The following ARHGEF26 variants were observed in gnomAD, a reference collection of about 807,000 sequenced individuals.
ARHGEF26 encodes Rho guanine nucleotide exchange factor 26.
Under a neutral mutation model 89.4 loss-of-function variants are expected in ARHGEF26, and 59 were observed. That is an observed-to-expected ratio of 0.66 (90% CI 0.54 to 0.82). The LOEUF (loss-of-function observed/expected upper bound fraction) is 0.82. Among genes scored for constraint, ARHGEF26 ranks in the 40% least tolerant of loss-of-function variants. The pLI, the probability that ARHGEF26 is intolerant of heterozygous loss-of-function variation, is 0.00. For synonymous variants in ARHGEF26, 500 were observed against 428.4 expected (o/e 1.17, Z -2.06); for missense variants, 1,234 against 1,085.6 (o/e 1.14, Z -1.92).
intron 6 of ARHGEF26, among the ~76,000 whole-genome samples, chr3:154,164,638 A>T (rs1247179921): frequency 6.6e-6 from 1 of 152,120 alleles, no homozygotes; most frequent in African/African-American, 2.4e-5. Flanking sequence ...TTGGGAGTTC[A>T]TTGGAATTTC....
intron 11 of ARHGEF26, among the ~76,000 whole-genome samples, chr3:154,238,921 G>C (rs542946872): frequency 4.1e-4 from 62 of 152,242 alleles, no homozygotes; most frequent in Admixed American, 1.6e-3. Context: ...GGGAATTAAG[G>C]GGGGGAGGCG....
chr3:154,123,000 G>C lies in ARHGEF26; in HGVS notation c.1008G>C (p.Lys336Asn), dbSNP rs749200280. Reference sequence around the variant, plus strand: ...ACAGTCCTACCAGCTCGAAGAAGAAGAACAGAATGTCCCAGCCTGTTCTGA... The same window carrying C: ...ACAGTCCTACCAGCTCGAAGAAGAACAACAGAATGTCCCAGCCTGTTCTGA... ...DFDSPTSSKK[K>N]NRMSQPVLKV... The change falls in exon 2 of 15, where the codon AAG becomes AAC. Residue 336 changes from lysine (K) to asparagine (N), a missense_variant. By Grantham distance (94) the Lys-to-Asn change is moderately conservative. Transcript: ENST00000465093. 4.3e-6 allele frequency: 7 copies of C among 1,613,830 alleles called. No individual in the cohort carries two copies. Among genetic ancestry groups the C allele is most frequent in the East Asian group, 2.2e-5 (1 of 44,864 alleles).
chr3:154,190,835 C>G (rs1559888006), intron 7 of ARHGEF26, among the ~76,000 whole-genome samples: 2 of 152,178 alleles, frequency 1.3e-5, no homozygotes, highest in Non-Finnish European at 2.9e-5. Context: ...GAAGTCCAGT[C>G]TAACTGTTAA....
intron 9 of ARHGEF26, among the ~76,000 whole-genome samples, chr3:154,210,878 G>A (rs1193814616): frequency 6.6e-6 from 1 of 151,592 alleles, no homozygotes; most frequent in Non-Finnish European, 1.5e-5. Flanking sequence ...GGGAGGTGGA[G>A]GTTGCAGTGA....
chr3:154,165,147 T>G (rs1409464764), intron 6 of ARHGEF26, among the ~76,000 whole-genome samples: 2 of 152,174 alleles, frequency 1.3e-5, no homozygotes, highest in African/African-American at 4.8e-5. Context: ...TTACCTCACT[T>G]ATGCTTATGC....
chr3:154,137,242 G>C (rs1025129670), intron 4 of ARHGEF26, among the ~76,000 whole-genome samples: 4 of 152,134 alleles, frequency 2.6e-5, no homozygotes, highest in African/African-American at 9.7e-5. Flanking sequence ...TCATGGGAGG[G>C]GAGCAGGTGG....
At chr3:154,140,596 T>TTC (rs1719304279) in intron 4 of ARHGEF26, among the ~76,000 whole-genome samples, 1 of 151,294 alleles carries the variant, frequency 6.6e-6, no homozygotes, top group African/African-American at 2.4e-5. Flanking sequence ...TGCTTTTTTT[T>TTC]TTTTTTTTGA....
intron 4 of ARHGEF26, among the ~76,000 whole-genome samples, chr3:154,139,397 T>C (rs534099103): frequency 3.3e-4 from 51 of 152,354 alleles, no homozygotes; most frequent in Non-Finnish European, 5.9e-4. Flanking sequence ...GAATTAAATT[T>C]TGGACTTATT....
chr3:154,130,216 G>A (rs1718605149), intron 4 of ARHGEF26, among the ~76,000 whole-genome samples: 2 of 137,432 alleles, frequency 1.5e-5, no homozygotes, highest in South Asian at 2.3e-4. Flanking sequence ...GCGTGATCTC[G>A]GCTCACTGCA....
chr3:154,147,126 C>T (rs891668422), intron 4 of ARHGEF26, among the ~76,000 whole-genome samples: 1 of 152,118 alleles, frequency 6.6e-6, no homozygotes, highest in Non-Finnish European at 1.5e-5. Context: ...AAAATGAGGC[C>T]GGACATGGTG....
intron 6 of ARHGEF26, among the ~76,000 whole-genome samples, chr3:154,174,252 G>T (rs1488248160): frequency 6.6e-6 from 1 of 152,194 alleles, no homozygotes; most frequent in Non-Finnish European, 1.5e-5. Context: ...CAGATCTACT[G>T]ATGTTTCAGA....
intron 11 of ARHGEF26, among the ~76,000 whole-genome samples, chr3:154,228,894 C>G (rs1319816966): frequency 6.6e-6 from 1 of 152,212 alleles, no homozygotes; most frequent in Non-Finnish European, 1.5e-5. Flanking sequence ...CTGCCTAATT[C>G]TAATTCCAGG....
intron 6 of ARHGEF26, among the ~76,000 whole-genome samples, chr3:154,183,663 T>C (rs569655274): frequency 6.6e-6 from 1 of 152,346 alleles, no homozygotes; most frequent in East Asian, 1.9e-4. Flanking sequence ...AAGCTTTAAA[T>C]TATGTCTTAA....
Position 154,122,936 on chromosome 3 carries a change from C to G in ARHGEF26, c.944C>G (p.Thr315Arg). ...PGSLRRGLRS[T>R]SYRRAVVSGF... The stretch of plus-strand genomic sequence containing the variant: ...TCTCTGCGGAGAGGCTTGCGGTCCA[C>G]GTCTTATCGCAGGGCAGTGGTCAGT... The change falls in exon 2 of 15, where the codon ACG becomes AGG. Residue 315 changes from threonine to arginine, a missense_variant. Transcript: ENST00000465093. 3 of 1,613,404 alleles carry G rather than the reference C, an allele frequency of 1.9e-6. No homozygotes were observed. The highest frequency in any genetic ancestry group is 2.5e-6 in the Non-Finnish European group (3 of 1,179,704).
chr3:154,124,475 C>T, intron 3 of ARHGEF26, 26 bp downstream of exon 3: 1 of 1,506,700 alleles, frequency 6.6e-7, no homozygotes, highest in Non-Finnish European at 8.8e-7. Context: ...TCCAAACTTT[C>T]ATTGCTGTTT....
At chr3:154,251,462 A>G (rs1255070238) in intron 12 of ARHGEF26, among the ~76,000 whole-genome samples, 1 of 152,208 alleles carries the variant, frequency 6.6e-6, no homozygotes, top group African/African-American at 2.4e-5. Context: ...TTCATTCATT[A>G]GCAGACATAT....
At chr3:154,121,665 A>C (rs1011760734) in intron 1 of ARHGEF26, 146 bp downstream of exon 1, 18 of 337,304 alleles carry the variant, frequency 5.3e-5, no homozygotes, top group Admixed American at 8.7e-5. Flanking sequence ...CTCGGCTTGC[A>C]CTCAGTGAAT....
intron 4 of ARHGEF26, among the ~76,000 whole-genome samples, chr3:154,130,582 C>G (rs965476346): frequency 6.6e-6 from 1 of 151,682 alleles, no homozygotes; most frequent in Admixed American, 6.6e-5. Context: ...AATTTCTCCT[C>G]TCTGCATCAG....
rs371952542 is a variant in ARHGEF26 at position 154,181,679 on chromosome 3, A to T, written c.1488-6006A>T. 3.5e-4 allele frequency among the ~76,000 whole-genome samples: 53 copies of T among 152,234 alleles called. No homozygotes were observed. The East Asian group carries it at 7.2e-3, about 21-fold the overall frequency. On this transcript the variant is annotated intron_variant, in intron 6 of 14. Coordinates refer to ENST00000465093, the MANE Select transcript of ARHGEF26 (RefSeq NM_015595.4). ...TGCAGCTGGCATTGAAGAAACTCAG[A>T]TTGGACTGGGTCTCTCTTTAGTAAT...
Sources: allele counts gnomAD v4.1 joint callset (sites outside exome capture counted in the v4.1 genomes callset), GRCh38; gene constraint gnomAD v4.1.1; transcripts MANE v1.5; gene names NCBI Gene and HGNC (gene_info 2026-07-23, HGNC 2026-07-21).